Variants in TRAPPC9 observed in about 807,000 individuals in gnomAD.
The protein encoded by TRAPPC9 is IKK2 binding protein.
A neutral mutation model predicts 124.0 loss-of-function variants in TRAPPC9; 83 were observed. That is an observed-to-expected ratio of 0.67 (90% confidence interval 0.56 to 0.80). TRAPPC9 has a LOEUF of 0.80. TRAPPC9 is among the 30% of genes least tolerant of loss of function. The probability of loss-of-function intolerance (pLI) is 0.00; values close to 1 mark genes in which losing one functional copy is unlikely to be tolerated. For synonymous variants in TRAPPC9, 638 were observed against 617.5 expected (o/e 1.03, Z -0.49); for missense variants, 1,302 against 1,508.3 (o/e 0.86, Z 2.27).
intron 19 of TRAPPC9, among the ~76,000 whole-genome samples, chr8:139,913,617 C>T (rs1323453784): frequency 6.6e-6 from 1 of 152,194 alleles, no homozygotes; most frequent in Non-Finnish European, 1.5e-5. Flanking sequence ...TGTTAACGGC[C>T]AACTGCTTCC....
intron 9 of TRAPPC9, among the ~76,000 whole-genome samples, chr8:140,340,242 T>C (rs2067155894): frequency 6.6e-6 from 1 of 152,244 alleles, no homozygotes. Context: ...TGTTCCCACC[T>C]GGCTGAGAAA....
At chr8:140,402,727 T>G (rs184104286) in intron 6 of TRAPPC9, among the ~76,000 whole-genome samples, 1 of 151,038 alleles carries the variant, frequency 6.6e-6, no homozygotes, top group East Asian at 2.0e-4. Context: ...AAAGAAACAC[T>G]CTTAGATATC....
intron 5 of TRAPPC9, among the ~76,000 whole-genome samples, chr8:140,422,176 A>C (rs887978046): frequency 6.6e-6 from 1 of 151,826 alleles, no homozygotes; most frequent in Non-Finnish European, 1.5e-5. Flanking sequence ...ACCTTCCTGC[A>C]TCTCAGTTTC....
At chr8:140,369,207 T>C (rs1053678963) in intron 8 of TRAPPC9, among the ~76,000 whole-genome samples, 5 of 152,170 alleles carry the variant, frequency 3.3e-5, no homozygotes, top group Non-Finnish European at 5.9e-5. Context: ...CCTGGGAAGA[T>C]GGTTGAACAG....
rs931655199 is a variant in TRAPPC9, at chr8:140,257,299, C to A, written c.2279-4370G>T. 6.6e-6 allele frequency among the ~76,000 whole-genome samples: 1 copy of A among 152,228 alleles called. No homozygotes were observed. The highest frequency in any genetic ancestry group is 1.5e-5 in the Non-Finnish European group (1 of 68,044). Reference sequence around the variant, plus strand: ...CACCCATTCACCGTGCCTCAGTCCTCTGGCAGCTCAGAACGCAGTTGCTGC... The same window carrying A: ...CACCCATTCACCGTGCCTCAGTCCTATGGCAGCTCAGAACGCAGTTGCTGC... On this transcript the variant is annotated intron_variant, in intron 15 of 22. Transcript: ENST00000438773. The surrounding 1 kb of genome is among the most constrained non-coding windows in gnomAD (Gnocchi z 4.6).
At chr8:140,127,928 T>C (rs1014783693) in intron 17 of TRAPPC9, among the ~76,000 whole-genome samples, 2 of 152,256 alleles carry the variant, frequency 1.3e-5, no homozygotes, top group Non-Finnish European at 2.9e-5. Flanking sequence ...TTCTAAAGCA[T>C]AAATTCACCT....
At chr8:140,458,520 CT>C (rs752381770), upstream of TRAPPC9, 2 of 1,583,706 alleles carry the variant, frequency 1.3e-6, no homozygotes, top group South Asian at 1.1e-5. Context: ...CCTGGGCCGG[CT>C]TCCCCCTGTG....
intron 17 of TRAPPC9, among the ~76,000 whole-genome samples, chr8:140,055,702 C>T (rs1842253146): frequency 6.6e-6 from 1 of 152,170 alleles, no homozygotes; most frequent in Non-Finnish European, 1.5e-5. Context: ...CACTTCTAAA[C>T]ACTAACAATG....
chr8:139,849,330 C>T (rs1827300339), intron 21 of TRAPPC9, among the ~76,000 whole-genome samples: 1 of 152,200 alleles, frequency 6.6e-6, no homozygotes, highest in Admixed American at 6.5e-5. Context: ...AATCATTTGC[C>T]ACTGGGGCTG....
chr8:140,303,208 G>A (rs1421658746), intron 10 of TRAPPC9, among the ~76,000 whole-genome samples: 2 of 152,136 alleles, frequency 1.3e-5, no homozygotes, highest in African/African-American at 2.4e-5. Context: ...CTTTGTTCAC[G>A]TAAACGCCTT....
chr8:140,198,632 C>A (rs1235724412), intron 17 of TRAPPC9, among the ~76,000 whole-genome samples: 1 of 152,164 alleles, frequency 6.6e-6, no homozygotes, highest in Non-Finnish European at 1.5e-5. Context: ...AGTAATAAAA[C>A]CGGTCTCCTG....
intron 19 of TRAPPC9, among the ~76,000 whole-genome samples, chr8:139,977,379 T>C (rs905889872): frequency 1.3e-5 from 2 of 151,892 alleles, no homozygotes; most frequent in African/African-American, 4.8e-5. Flanking sequence ...CCCAGCACTT[T>C]GGGAGGCCGA....
chr8:140,211,147 C>T (rs2063052638), intron 17 of TRAPPC9, among the ~76,000 whole-genome samples: 1 of 152,092 alleles, frequency 6.6e-6, no homozygotes, highest in Non-Finnish European at 1.5e-5. Flanking sequence ...AGCCCTAGTG[C>T]TTTGGGAGAC....
At chr8:140,346,710 G>A (rs2132090968) in intron 9 of TRAPPC9, among the ~76,000 whole-genome samples, 1 of 152,300 alleles carries the variant, frequency 6.6e-6, no homozygotes, top group Admixed American at 6.5e-5. Context: ...CACCTGTAAG[G>A]ATGGACTTGC....
intron 21 of TRAPPC9, among the ~76,000 whole-genome samples, chr8:139,733,356 C>T (rs1175804589): frequency 1.3e-5 from 2 of 152,068 alleles, no homozygotes; most frequent in Non-Finnish European, 2.9e-5. Flanking sequence ...TGGTCTCAGC[C>T]TTCCTGCCTC....
chr8:140,219,028 C>T (rs891534015), intron 17 of TRAPPC9, among the ~76,000 whole-genome samples: 43 of 151,772 alleles, frequency 2.8e-4, no homozygotes, highest in Non-Finnish European at 2.9e-5. Context: ...CTGCAGCTGG[C>T]CTAAAGTCAC....
chr8:140,348,895 G>A (rs1019882284), intron 9 of TRAPPC9, among the ~76,000 whole-genome samples: 9 of 152,130 alleles, frequency 5.9e-5, no homozygotes, highest in Non-Finnish European at 8.8e-5. Flanking sequence ...CAGCACACGG[G>A]AATCAGAAGT....
At chr8:140,443,986 A>C (rs2071142485) in intron 2 of TRAPPC9, among the ~76,000 whole-genome samples, 1 of 148,846 alleles carries the variant, frequency 6.7e-6, no homozygotes, top group African/African-American at 2.5e-5. Flanking sequence ...CAGTGAGCCA[A>C]GATCACGCCA....
intron 11 of TRAPPC9, among the ~76,000 whole-genome samples, chr8:140,297,171 TCC>T (rs2065827605): frequency 1.3e-5 from 2 of 152,114 alleles, no homozygotes; most frequent in Admixed American, 1.3e-4. Context: ...TGCCTGTTCA[TCC>T]ACCACGTCTA....
Sources: gnomAD v4.1 joint callset for allele counts (sites outside exome capture counted in the v4.1 genomes callset) on GRCh38, gnomAD v4.1.1 for gene constraint, Gnocchi (gnomAD v3.1) non-coding constraint, MANE v1.5 for transcripts, NCBI Gene and HGNC (gene_info 2026-07-23, HGNC 2026-07-21) for gene names.